MYO5B: variants seen among roughly 807,000 people sequenced by gnomAD.
MYO5B encodes unconventional myosin-Vb.
A neutral mutation model predicts 229.3 loss-of-function variants in MYO5B; 143 were observed. The observed-to-expected ratio is 0.62, with a 90% CI of 0.54 to 0.72. The LOEUF (loss-of-function observed/expected upper bound fraction) is 0.72. MYO5B is among the 30% of genes least tolerant of loss of function. The pLI is 0.00. For synonymous variants in MYO5B, 918 were observed against 885.2 expected, an observed-to-expected ratio of 1.04 and a Z score of -0.66; for missense variants, 2,321 against 2,331.0, an observed-to-expected ratio of 1.00 and a Z score of 0.09.
intron 1 of MYO5B, among the ~76,000 whole-genome samples, chr18:50,109,052 T>C (rs1320546583): frequency 1.3e-5 from 2 of 152,134 alleles, no homozygotes; most frequent in Non-Finnish European, 2.9e-5. Flanking sequence ...TAACTGAAAA[T>C]TGGCACTGAG....
chr18:50,058,646 A>G (rs923536188), intron 1 of MYO5B, among the ~76,000 whole-genome samples: 1 of 152,126 alleles, frequency 6.6e-6, no homozygotes, highest in African/African-American at 2.4e-5. Context: ...CCCTGTCTCT[A>G]CTAAAATTAC....
At chr18:49,894,883 G>T in intron 22 of MYO5B, 58 bp downstream of exon 22, 1 of 1,459,092 alleles carries the variant, frequency 6.9e-7, no homozygotes, top group Non-Finnish European at 9.5e-7. Context: ...TCTGAGAGGT[G>T]GCTCCGTGTG....
In MYO5B at chr18:50,107,784, A is replaced by G. The variant is rs188100440; in HGVS notation, c.28-52406T>C. On this transcript the variant is annotated intron_variant, in intron 1 of 39. Transcript: ENST00000285039. ...ATATGCTAACATTCACATAGCATACATGTACTTACAGTATAATTATTCAGA... is the reference window on the plus strand; with the variant it reads ...ATATGCTAACATTCACATAGCATACGTGTACTTACAGTATAATTATTCAGA... Among the ~76,000 whole-genome samples the G allele has an allele frequency of 2.0e-3, 299 of 152,340 alleles. 3 individuals carry two copies. The highest frequency in any genetic ancestry group is 4.4e-3 in the Admixed American group (67 of 15,308).
At chr18:50,007,568 G>C (rs1016273589) in intron 4 of MYO5B, among the ~76,000 whole-genome samples, 3 of 152,136 alleles carry the variant, frequency 2.0e-5, no homozygotes, top group African/African-American at 7.2e-5. Context: ...CAAGGCCCTG[G>C]GGGACCGAGC....
At chr18:50,039,640 A>G in intron 3 of MYO5B, among the ~76,000 whole-genome samples, 1 of 152,120 alleles carries the variant, frequency 6.6e-6, no homozygotes, top group Non-Finnish European at 1.5e-5. Context: ...GGAAAGGAAA[A>G]GTTTTAAGAA....
chr18:50,085,995 A>G (rs890201995), intron 1 of MYO5B, among the ~76,000 whole-genome samples: 5 of 152,118 alleles, frequency 3.3e-5, no homozygotes, highest in African/African-American at 1.2e-4. Flanking sequence ...CAGCACACCA[A>G]CGTGGCACAT....
At chr18:49,983,564 C>T (rs2025838956) in intron 8 of MYO5B, among the ~76,000 whole-genome samples, 1 of 152,252 alleles carries the variant, frequency 6.6e-6, no homozygotes, top group Non-Finnish European at 1.5e-5. Flanking sequence ...ACCACCCCAT[C>T]CCGGCCCCTG....
chr18:49,936,012 T>G (rs1406925194), intron 16 of MYO5B, among the ~76,000 whole-genome samples: 1 of 152,260 alleles, frequency 6.6e-6, no homozygotes, highest in Admixed American at 6.5e-5. Flanking sequence ...AGCATGCACA[T>G]TCCTGACCAC....
At chr18:49,939,995 A>C (rs1387163059) in intron 14 of MYO5B, among the ~76,000 whole-genome samples, 1 of 152,216 alleles carries the variant, frequency 6.6e-6, no homozygotes, top group East Asian at 1.9e-4. Flanking sequence ...TATAGCAGTG[A>C]CAGCTCATGC....
chr18:50,112,613 G>C (rs2031886780), intron 1 of MYO5B, among the ~76,000 whole-genome samples: 1 of 152,184 alleles, frequency 6.6e-6, no homozygotes, highest in Non-Finnish European at 1.5e-5. Flanking sequence ...TTTTCTGTCT[G>C]CTCCAAGGCA....
chr18:49,961,436 C>A (rs1204451953), intron 12 of MYO5B, among the ~76,000 whole-genome samples: 2 of 152,238 alleles, frequency 1.3e-5, no homozygotes, highest in African/African-American at 4.8e-5. Flanking sequence ...ACTAGGAGAG[C>A]CCTTCTGAAA....
intron 2 of MYO5B, among the ~76,000 whole-genome samples, chr18:50,043,474 CATATATAAATATATTTTT>C (rs1056322833): frequency 1.8e-4 from 14 of 78,064 alleles, no homozygotes; most frequent in African/African-American, 7.2e-4. Flanking sequence ...TATATATTTA[CATATATAAATATATTTTT>C]ATATATAAAT....
intron 1 of MYO5B, among the ~76,000 whole-genome samples, chr18:50,136,551 C>T (rs1233904893): frequency 6.6e-6 from 1 of 151,994 alleles, no homozygotes; most frequent in African/African-American, 2.4e-5. Flanking sequence ...TAGTTCAAAA[C>T]TGATCTCCAA....
At chr18:50,108,067 C>A (rs1486133510) in intron 1 of MYO5B, among the ~76,000 whole-genome samples, 1 of 152,100 alleles carries the variant, frequency 6.6e-6, no homozygotes, top group Non-Finnish European at 1.5e-5. Context: ...CACCACCATG[C>A]CTGGCTAATT....
chr18:50,065,892 T>C (rs540809405), intron 1 of MYO5B, among the ~76,000 whole-genome samples: 7 of 152,160 alleles, frequency 4.6e-5, no homozygotes, highest in Admixed American at 4.6e-4. Context: ...GCTGAGAGGA[T>C]ACCTGTGTGA....
chr18:49,890,980 T>C (rs544743973), intron 22 of MYO5B, among the ~76,000 whole-genome samples: 3 of 152,214 alleles, frequency 2.0e-5, no homozygotes, highest in Non-Finnish European at 4.4e-5. Flanking sequence ...AATTCCTCTC[T>C]CACCCCTAAG....
chr18:49,979,300 C>T (rs1190635562), intron 9 of MYO5B, among the ~76,000 whole-genome samples: 1 of 152,238 alleles, frequency 6.6e-6, no homozygotes, highest in African/African-American at 2.4e-5. Context: ...CCTCCTTTTC[C>T]ACTGGGCCCG....
At chr18:50,151,903 A>G (rs955668712) in intron 1 of MYO5B, among the ~76,000 whole-genome samples, 1 of 152,222 alleles carries the variant, frequency 6.6e-6, no homozygotes, top group East Asian at 1.9e-4. Flanking sequence ...CAGCTTCCTC[A>G]GCCTGCCTTC....
intron 34 of MYO5B, among the ~76,000 whole-genome samples, chr18:49,842,814 C>G (rs906094748): frequency 2.6e-5 from 4 of 152,328 alleles, no homozygotes; most frequent in Admixed American, 2.6e-4. Flanking sequence ...GTGTTACCCC[C>G]CAGGGAAGCA....
Sources: gnomAD v4.1 joint callset for allele counts (sites outside exome capture counted in the v4.1 genomes callset) on GRCh38, gnomAD v4.1.1 for gene constraint, MANE v1.5 for transcripts, NCBI Gene and HGNC (gene_info 2026-07-23, HGNC 2026-07-21) for gene names.